NPHP3: variants seen among roughly 807,000 people sequenced by gnomAD.
NPHP3 encodes nephrocystin 3.
In NPHP3, 123 loss-of-function variants were observed where a neutral mutation model predicts 171.9. The ratio of observed to expected loss-of-function variants is 0.72; its 90% CI spans 0.62 to 0.83. NPHP3 has a LOEUF of 0.83. Among genes scored for constraint, NPHP3 ranks in the 40% least tolerant of loss-of-function variants. The probability of loss-of-function intolerance (pLI) is 0.00; values close to 1 mark genes in which losing one functional copy is unlikely to be tolerated. For synonymous variants in NPHP3, 558 were observed against 579.2 expected (o/e 0.96, Z 0.52); for missense variants, 1,506 against 1,591.9 (o/e 0.95, Z 0.92).
chr3:132,705,182 T>C lies in NPHP3; in HGVS notation c.1350+558A>G, dbSNP rs535808857. Among the ~76,000 whole-genome samples the C allele has an allele frequency of 2.6e-5, 4 of 152,196 alleles. No homozygotes were observed. The South Asian group carries it at 8.3e-4, about 32-fold the overall frequency. On this transcript the variant is annotated intron_variant, in intron 8 of 26. Transcript: ENST00000337331. ...TCACTATTACTATTTTTTTCTAATA[T>C]ATAATTTAAAATTTTTTTATATTAA...
chr3:132,696,612 T>G (rs1939459706), intron 15 of NPHP3, 119 bp downstream of exon 15: 1 of 876,162 alleles, frequency 1.1e-6, no homozygotes, highest in Non-Finnish European at 1.9e-6. Context: ...ACTATTCAAA[T>G]AAAATCTGAG....
Position 132,719,758 on chromosome 3 carries a change from C to A in NPHP3, c.466G>T (p.Glu156Ter). The change falls in exon 2 of 27, where the codon GAG (glutamate) becomes TAG (stop). Residue 156 changes from glutamate to a stop codon, truncating the protein, a stop_gained. Transcript: ENST00000337331. LOFTEE classifies it high-confidence loss of function. ...SALEAKYQAMERAATFEHDRD... is the reference protein window; with the variant it reads ...SALEAKYQAM ...TCATGTTCAAATGTTGCTGCTCTCTCCATTGCTTGGTATTTCGCTTCTAAA... is the reference window on the plus strand; with the variant it reads ...TCATGTTCAAATGTTGCTGCTCTCTACATTGCTTGGTATTTCGCTTCTAAA... The A allele has an allele frequency of 6.3e-7, 1 of 1,598,286 alleles. No individual in the cohort carries two copies. The highest frequency in any genetic ancestry group is 1.1e-5 in the South Asian group (1 of 88,340).
intron 26 of NPHP3, 48 bp from the exon 27 acceptor site, chr3:132,682,138 A>G: frequency 3.3e-6 from 5 of 1,530,312 alleles, no homozygotes; most frequent in Non-Finnish European, 4.5e-6. Flanking sequence ...ATAACCTCTT[A>G]CCAATTCAAA....
chr3:132,721,810 T>G (rs2108007088), intron 1 of NPHP3, 153 bp downstream of exon 1: 1 of 971,530 alleles, frequency 1.0e-6, no homozygotes, highest in South Asian at 1.4e-5. Context: ...AAGGGGAGGG[T>G]TAAGGAATCA....
intron 16 of NPHP3, among the ~76,000 whole-genome samples, chr3:132,694,379 TTAC>T (rs1939391095): frequency 6.7e-6 from 1 of 148,814 alleles, no homozygotes. Flanking sequence ...GTGTGTGTGT[TTAC>T]ACACACACAC....
chr3:132,720,064 T>C (rs985749884), intron 1 of NPHP3, among the ~76,000 whole-genome samples: 4 of 152,190 alleles, frequency 2.6e-5, no homozygotes, highest in African/African-American at 9.7e-5. Flanking sequence ...AAGCTTTCAA[T>C]GGAAATTAAC....
Position 132,719,133 on chromosome 3 carries a change from C to T in NPHP3, c.531G>A (p.Glu177=), listed in dbSNP as rs369715091. ...KVKRQFKIFR[E]TKENEIQDLL... is the part of the protein sequence containing the mutation. ...AGTCCTGAATTTCATTTTCTTTGGT[C>T]TCCCTAAAAATCTTTAAAAAGAATA... is the stretch of plus-strand genomic sequence containing the variant. The change falls in exon 3 of 27, where the codon GAG becomes GAA. Residue 177 remains glutamate (E), a synonymous_variant. Transcript: ENST00000337331. 12 of 1,610,870 alleles carry T rather than the reference C, an allele frequency of 7.4e-6. No individual in the cohort carries two copies. In the African/African-American group the frequency reaches 1.2e-4, roughly 16 times the overall value.
At chr3:132,696,606 T>A in intron 15 of NPHP3, 125 bp downstream of exon 15, 1 of 823,608 alleles carries the variant, frequency 1.2e-6, no homozygotes, top group Non-Finnish European at 2.1e-6. Context: ...AGTATCACTA[T>A]TCAAATAAAA....
chr3:132,719,553 AAATGT>A, intron 2 of NPHP3, 147 bp downstream of exon 2: 1 of 463,520 alleles, frequency 2.2e-6, no homozygotes, highest in Non-Finnish European at 3.5e-6. Context: ...TCCAACTCAA[AAATGT>A]GAAAGTGCTC....
In NPHP3 at chr3:132,716,791, T is replaced by C. The variant is rs766671444; in HGVS notation, c.789A>G (p.Ile263Met). 3 of 1,614,186 alleles carry C rather than the reference T, an allele frequency of 1.9e-6. No individual in the cohort carries two copies. Among genetic ancestry groups the C allele is most frequent in the Non-Finnish European group, 1.7e-6 (2 of 1,180,008 alleles). Residue 263 changes from isoleucine (I) to methionine (M), a missense_variant, in exon 4 of 27, where the codon ATA becomes ATG. Transcript: ENST00000337331. ...CATTTGCAAAGGGTCCTTCCACATC[T>C]ATAGAACTATGGGCAAACTCAGGGC... ...FRGPEFAHSS[I>M]DVEGPFANVN...
At chr3:132,694,722 C>T (rs1939400156) in intron 16 of NPHP3, 105 bp downstream of exon 16, 5 of 1,358,654 alleles carry the variant, frequency 3.7e-6, no homozygotes, top group Admixed American at 1.7e-5. Flanking sequence ...CTGCATATGC[C>T]TGAAACATAT....
At chr3:132,721,834 G>A (rs1940231511) in intron 1 of NPHP3, 129 bp downstream of exon 1, 1 of 1,113,606 alleles carries the variant, frequency 9.0e-7, no homozygotes, top group Non-Finnish European at 1.3e-6. Context: ...CAGACTCGAA[G>A]AGAATATGGC....
intron 17 of NPHP3, among the ~76,000 whole-genome samples, chr3:132,692,325 G>A (rs992806745): frequency 6.6e-6 from 1 of 152,104 alleles, no homozygotes; most frequent in African/African-American, 2.4e-5. Context: ...TAATAATACC[G>A]CAATTCAATG....
At chr3:132,692,178 C>G (rs1157001184) in intron 17 of NPHP3, among the ~76,000 whole-genome samples, 2 of 152,136 alleles carry the variant, frequency 1.3e-5, no homozygotes, top group Non-Finnish European at 2.9e-5. Context: ...TAGGCCATAC[C>G]ATATAGCCTC....
chr3:132,693,908 A>G (rs959171843), intron 16 of NPHP3: 2 of 151,962 alleles, frequency 1.3e-5, no homozygotes, highest in African/African-American at 4.8e-5. Context: ...TGCTAGATAT[A>G]TATTTTCAAA....
intron 6 of NPHP3, among the ~76,000 whole-genome samples, chr3:132,711,890 C>T (rs1004924743): frequency 6.6e-6 from 1 of 152,288 alleles, no homozygotes; most frequent in East Asian, 1.9e-4. Context: ...CCTGTTCACC[C>T]GGCCACTAGG....
At position 132,686,271 on chromosome 3, in the gene NPHP3, T is replaced by C. The variant is rs1161730457; in HGVS notation, c.3318A>G (p.Gln1106=). The C allele has an allele frequency of 6.2e-6, 10 of 1,613,676 alleles. No homozygotes were observed. Among genetic ancestry groups the C allele is most frequent in the Non-Finnish European group, 7.6e-6 (9 of 1,179,742 alleles). Residue 1106 remains glutamine (Q), a synonymous_variant, in exon 23 of 27, where the codon CAA becomes CAG. Transcript: ENST00000337331. ...CCCATGGTACTCACTCCAGGTTATT[T>C]TGAAGATAGTAGAGAACACCCAGTT... ...LNELGVLYYL[Q]NNLETADQFL... is the part of the protein sequence containing the mutation.
At chr3:132,698,057 C>A (rs1434374704) in intron 13 of NPHP3, among the ~76,000 whole-genome samples, 3 of 151,918 alleles carry the variant, frequency 2.0e-5, no homozygotes, top group Non-Finnish European at 4.4e-5. Flanking sequence ...TCTCGGCTCA[C>A]TGCAACCTCT....
chr3:132,699,341 T>C lies in NPHP3; in HGVS notation c.1985+12A>G, dbSNP rs762322151. On this transcript the variant is annotated intron_variant, in intron 13 of 26. Transcript: ENST00000337331. ...TTCATGTACTCTGAAAGAACTAAAGTTGGCATCGTACCTCCATGCTGGAGG... is the reference window on the plus strand; with the variant it reads ...TTCATGTACTCTGAAAGAACTAAAGCTGGCATCGTACCTCCATGCTGGAGG... 2 of 1,572,066 alleles carry C rather than the reference T, an allele frequency of 1.3e-6. No individual in the cohort carries two copies. Among genetic ancestry groups the C allele is most frequent in the Non-Finnish European group, 1.8e-6 (2 of 1,142,836 alleles).
Sources: allele counts gnomAD v4.1 joint callset (sites outside exome capture counted in the v4.1 genomes callset), GRCh38; gene constraint gnomAD v4.1.1; transcripts MANE v1.5; gene names NCBI Gene and HGNC (gene_info 2026-07-23, HGNC 2026-07-21).